MLIP: variants seen among roughly 807,000 people sequenced by gnomAD.
MLIP encodes the protein muscular LMNA interacting protein.
In MLIP, 79 loss-of-function variants were observed where a neutral mutation model predicts 84.8. The ratio of observed to expected loss-of-function variants is 0.93; its 90% CI spans 0.78 to 1.12. The LOEUF (loss-of-function observed/expected upper bound fraction) is 1.12. MLIP is among the 50% of genes most tolerant of loss of function. MLIP has a pLI of 0.00. For synonymous variants in MLIP, 504 were observed against 463.0 expected, an observed-to-expected ratio of 1.09 and a Z score of -1.14; for missense variants, 1,257 against 1,160.6, an observed-to-expected ratio of 1.08 and a Z score of -1.21.
At chr6:54,246,089 T>G (rs1017106148) in intron 12 of MLIP, among the ~76,000 whole-genome samples, 1 of 152,216 alleles carries the variant, frequency 6.6e-6, no homozygotes, top group African/African-American at 2.4e-5. Flanking sequence ...ATAAGCCATA[T>G]GTTCCATAAG....
intron 12 of MLIP, among the ~76,000 whole-genome samples, chr6:54,248,824 A>G (rs534921916): frequency 6.6e-6 from 1 of 152,262 alleles, no homozygotes; most frequent in Admixed American, 6.6e-5. Context: ...AACAATATTA[A>G]TGACCAATAT....
chr6:54,124,574 A>G lies in MLIP; in HGVS notation c.354A>G (p.Gln118=). The part of the protein sequence containing the change: ...CPSEVSGTIL[Q]EREFEANKLQ... Reference sequence around the variant, plus strand: ...CAGAGGTCAGTGGAACGATTTTACAAGAAAGGGAATTCGAAGCAAACAAAC... The same window carrying G: ...CAGAGGTCAGTGGAACGATTTTACAGGAAAGGGAATTCGAAGCAAACAAAC... The change falls in exon 3 of 14, where the codon CAA becomes CAG. Residue 118 remains glutamine, a synonymous_variant. Coordinates refer to ENST00000502396, the MANE Select transcript of MLIP (RefSeq NM_001281747.2). The G allele has an allele frequency of 6.2e-7, 1 of 1,614,204 alleles. No homozygotes were observed. Among genetic ancestry groups the G allele is most frequent in the Admixed American group, 1.7e-5 (1 of 60,030 alleles).
In MLIP at chr6:54,202,092, T is replaced by G. The variant is rs1214297544; in HGVS notation, c.2590-13T>G. 22 of 1,531,668 alleles carry G rather than the reference T, an allele frequency of 1.4e-5. No individual in the cohort carries two copies. The highest frequency in any genetic ancestry group is 1.8e-5 in the Non-Finnish European group (20 of 1,138,528). 94.9% of individuals were successfully genotyped at this position (1,531,668 alleles called of 1,614,324 possible). ...TTTCCTGTTTTTAAAATATTTATTT[T>G]ACATTCATGAAGACTAAGCCTGGAG... is the stretch of plus-strand genomic sequence containing the variant. On this transcript the variant is annotated splice_polypyrimidine_tract_variant and intron_variant, in intron 10 of 13. Transcript: ENST00000502396.
At chr6:54,142,188 T>A (rs1444269217) in intron 4 of MLIP, among the ~76,000 whole-genome samples, 2 of 152,218 alleles carry the variant, frequency 1.3e-5, no homozygotes, top group Non-Finnish European at 2.9e-5. Flanking sequence ...GATTACCTAA[T>A]AGGTGTGCTT....
chr6:54,226,545 A>G (rs1044250212), intron 11 of MLIP, among the ~76,000 whole-genome samples: 1 of 152,122 alleles, frequency 6.6e-6, no homozygotes, highest in Non-Finnish European at 1.5e-5. Context: ...ATATTAGCAG[A>G]TAATTAAAGA....
intron 4 of MLIP, among the ~76,000 whole-genome samples, chr6:54,138,888 A>G (rs1772056188): frequency 6.6e-6 from 1 of 152,206 alleles, no homozygotes; most frequent in Non-Finnish European, 1.5e-5. Flanking sequence ...ATAAAACAAA[A>G]CAGTTAAAGT....
intron 5 of MLIP, among the ~76,000 whole-genome samples, chr6:54,156,994 T>A (rs1461265592): frequency 6.6e-6 from 1 of 152,118 alleles, no homozygotes; most frequent in Non-Finnish European, 1.5e-5. Context: ...ATCTTCAGGA[T>A]GAATAGGAAT....
intron 1 of MLIP, among the ~76,000 whole-genome samples, chr6:54,089,450 A>G (rs889147982): frequency 1.3e-5 from 2 of 152,134 alleles, no homozygotes; most frequent in African/African-American, 4.8e-5. Context: ...CAAGGAGTAC[A>G]GAATGTCGCT....
At chr6:54,119,508 T>C (rs190957176) in intron 1 of MLIP, among the ~76,000 whole-genome samples, 228 of 152,100 alleles carry the variant, frequency 1.5e-3, no homozygotes, top group African/African-American at 5.1e-3. Flanking sequence ...AAGTAACGAG[T>C]AAAATAGTGG....
At chr6:54,141,656 A>G (rs751527354) in intron 4 of MLIP, among the ~76,000 whole-genome samples, 4 of 152,050 alleles carry the variant, frequency 2.6e-5, no homozygotes, top group Non-Finnish European at 5.9e-5. Flanking sequence ...TTCCCATGCA[A>G]AAGACTGGAT....
intron 12 of MLIP, among the ~76,000 whole-genome samples, chr6:54,234,656 A>C (rs923172432): frequency 2.3e-4 from 35 of 152,238 alleles, no homozygotes; most frequent in African/African-American, 7.7e-4. Context: ...TCTGACTTTC[A>C]CCTCTACCAC....
chr6:54,266,029 A>C lies in MLIP; in HGVS notation c.*74A>C. On this transcript the variant is annotated 3_prime_UTR_variant, in exon 14 of 14. Coordinates refer to ENST00000502396, the MANE Select transcript of MLIP (RefSeq NM_001281747.2). ...CTGGTGCTAACCACTTGCTAGATTT[A>C]ACTTTTTTTTTTTTTTCCAGAATGA... The C allele has an allele frequency of 6.7e-7, 1 of 1,492,130 alleles. No individual in the cohort carries two copies. The highest frequency in any genetic ancestry group is 9.1e-7 in the Non-Finnish European group (1 of 1,099,276). The allele number at this position is 1,492,130 out of a possible 1,614,324, so 92.4% of individuals were successfully genotyped here.
rs1361946637 is a variant in MLIP at position 54,217,170 on chromosome 6, T to C, written c.2719-13544T>C. The C allele has an allele frequency of 3.0e-6, 3 of 985,274 alleles. No individual in the cohort carries two copies. The East Asian group carries it at 3.4e-4, about 112-fold the overall frequency. 61.0% of individuals were successfully genotyped at this position (985,274 alleles called of 1,614,324 possible). A position where few individuals can be genotyped will look rare whatever the true frequency, so the allele number is the denominator to read the frequency against. On this transcript the variant is annotated intron_variant, in intron 11 of 13. Transcript: ENST00000502396. ...GGTACTCTGAGTTCACAAAGGTGTC[T>C]TGTACTCAGACAGAAAACCGCAGCG... is the stretch of plus-strand genomic sequence containing the variant.
intron 1 of MLIP, among the ~76,000 whole-genome samples, chr6:54,019,482 A>G (rs1042346089): frequency 2.6e-5 from 4 of 152,180 alleles, no homozygotes; most frequent in Non-Finnish European, 4.4e-5. Flanking sequence ...AAAAATAAGT[A>G]TTATAGAATA....
At chr6:54,044,346 A>G (rs1454011641) in intron 1 of MLIP, among the ~76,000 whole-genome samples, 4 of 152,230 alleles carry the variant, frequency 2.6e-5, no homozygotes, top group Admixed American at 1.3e-4. Flanking sequence ...ATCTCTAAGC[A>G]TGATGGATTG....
chr6:54,020,564 TA>T (rs1453934348), intron 1 of MLIP, among the ~76,000 whole-genome samples: 2 of 152,156 alleles, frequency 1.3e-5, no homozygotes, highest in South Asian at 4.1e-4. Context: ...GTTTTGCGAG[TA>T]AACAGAGGAC....
chr6:54,059,680 T>C (rs1179341773), intron 1 of MLIP, among the ~76,000 whole-genome samples: 1 of 152,180 alleles, frequency 6.6e-6, no homozygotes, highest in Non-Finnish European at 1.5e-5. Context: ...CTTAATTCCC[T>C]GCTGGCCATA....
chr6:54,156,358 A>G (rs188857568), intron 5 of MLIP, among the ~76,000 whole-genome samples: 76 of 152,208 alleles, frequency 5.0e-4, no homozygotes, highest in Middle Eastern at 6.8e-3. Flanking sequence ...AACACCTGTT[A>G]TCTTCCATAG....
upstream of MLIP, among the ~76,000 whole-genome samples, chr6:54,110,612 A>C (rs1299766680): frequency 6.6e-6 from 1 of 152,238 alleles, no homozygotes; most frequent in Non-Finnish European, 1.5e-5. Flanking sequence ...GAAGAGGCAT[A>C]ATCTAGGTTT....
Sources: gnomAD v4.1 joint callset for allele counts (sites outside exome capture counted in the v4.1 genomes callset) on GRCh38, gnomAD v4.1.1 for gene constraint, MANE v1.5 for transcripts, NCBI Gene and HGNC (gene_info 2026-07-23, HGNC 2026-07-21) for gene names.